The following UGT1A5 variants were observed in gnomAD, a reference collection of about 807,000 sequenced individuals.
UGT1A5 encodes the protein UDP glucuronosyltransferase family 1 member A5, also known as UDP-glucuronosyltransferase 1A5.
In UGT1A5, 29 loss-of-function variants were observed where a neutral mutation model predicts 40.3. That is an observed-to-expected ratio of 0.72 (90% CI 0.54 to 0.98). UGT1A5 has a LOEUF of 0.98. UGT1A5 is among the 50% of genes least tolerant of loss of function. The probability of loss-of-function intolerance (pLI) is 0.00; values close to 1 mark genes in which losing one functional copy is unlikely to be tolerated. For synonymous variants in UGT1A5, 257 were observed against 262.5 expected, an observed-to-expected ratio of 0.98 and a Z score of 0.20; for missense variants, 678 against 677.9, an observed-to-expected ratio of 1.00 and a Z score of 0.00.
chr2:233,752,290 C>T (rs1244302370), intron 1 of UGT1A5: 16 of 152,170 alleles, frequency 1.1e-4, no homozygotes, highest in Admixed American at 1.0e-3. Flanking sequence ...CTCACAGGGT[C>T]ATGCCTTTCC....
intron 4 of UGT1A5, chr2:233,771,308 TC>T (rs1375108743): frequency 6.6e-6 from 1 of 152,198 alleles, no homozygotes; most frequent in African/African-American, 2.4e-5. Context: ...CTCCTCCTTT[TC>T]CCTCTCCTCT....
intron 1 of UGT1A5, among the ~76,000 whole-genome samples, chr2:233,750,216 G>A (rs192238866): frequency 1.3e-5 from 2 of 151,994 alleles, no homozygotes; most frequent in Middle Eastern, 3.4e-3. Flanking sequence ...AGTCTCAGAT[G>A]GAGATGAGGA....
Position 233,768,226 on chromosome 2 carries a change from C to A in UGT1A5, c.1094C>A (p.Pro365Gln). The A allele has an allele frequency of 6.2e-7, 1 of 1,614,202 alleles. No homozygotes were observed. The highest frequency in any genetic ancestry group is 8.5e-7 in the Non-Finnish European group (1 of 1,180,042). ...TCCCTATTTTGCATCTCAGGTCACC[C>A]GATGACCCGTGCCTTTATCACCCAT... ...WLPQNDLLGH[P>Q]MTRAFITHAG... Residue 365 changes from proline to glutamine, a missense_variant, in exon 4 of 5, where the codon CCG becomes CAG. Coordinates refer to ENST00000373414, the MANE Select transcript of UGT1A5 (RefSeq NM_019078.2).
rs749851918 is a variant in UGT1A5 at position 233,713,347 on chromosome 2, A to G, written c.356A>G (p.Asn119Ser). 1.2e-6 allele frequency: 2 copies of G among 1,614,196 alleles called. No individual in the cohort carries two copies. Among genetic ancestry groups the G allele is most frequent in the East Asian group, 2.2e-5 (1 of 44,886 alleles). Residue 119 changes from asparagine (N) to serine (S), a missense_variant, in exon 1 of 5, where the codon AAT (asparagine) becomes AGT (serine). Physicochemically the swap from Asn to Ser is conservative, Grantham distance 46. Coordinates refer to ENST00000373414, the MANE Select transcript of UGT1A5 (RefSeq NM_019078.2). ...KFSRRMAIMN[N>S]MSLIIHRSCV... ...TCTAGAAGAATGGCAATTATGAACA[A>G]TATGTCTTTGATCATACATAGGTCT...
intron 1 of UGT1A5, among the ~76,000 whole-genome samples, chr2:233,762,360 A>G (rs1698052842): frequency 6.6e-6 from 1 of 152,238 alleles, no homozygotes; most frequent in Non-Finnish European, 1.5e-5. Context: ...TACTCCAGCT[A>G]TTACATACCA....
At chr2:233,744,020 A>G (rs772396813) in intron 1 of UGT1A5, 334 of 991,812 alleles carry the variant, frequency 3.4e-4, no homozygotes, top group East Asian at 3.5e-4. Context: ...CCGCCTGGAG[A>G]GACGCCCCTT....
chr2:233,748,973 C>T (rs1032988654), intron 1 of UGT1A5, among the ~76,000 whole-genome samples: 3 of 151,678 alleles, frequency 2.0e-5, no homozygotes, highest in African/African-American at 7.3e-5. Flanking sequence ...ATAGTGGGAT[C>T]TACTTCTTTA....
At chr2:233,742,511 A>C (rs1428333329) in intron 1 of UGT1A5, among the ~76,000 whole-genome samples, 6 of 151,858 alleles carry the variant, frequency 4.0e-5, no homozygotes, top group Non-Finnish European at 2.9e-5. Flanking sequence ...TATCATGAAC[A>C]CGTCACAGTG....
At chr2:233,714,010 T>C in intron 1 of UGT1A5, 152 bp downstream of exon 1, 1 of 1,531,204 alleles carries the variant, frequency 6.5e-7, no homozygotes, top group Non-Finnish European at 8.8e-7. Flanking sequence ...AGATAAACTT[T>C]TAAAGGGTCA....
chr2:233,759,816 G>T (rs540177588), intron 1 of UGT1A5, among the ~76,000 whole-genome samples: 2 of 152,284 alleles, frequency 1.3e-5, no homozygotes, highest in East Asian at 3.9e-4. Context: ...AGGCAGTACC[G>T]GGGGAGCTGT....
intron 1 of UGT1A5, 29 bp from the exon 2 acceptor site, chr2:233,767,005 T>A: frequency 1.2e-6 from 2 of 1,613,726 alleles, no homozygotes; most frequent in Non-Finnish European, 1.7e-6. Flanking sequence ...TGAGAAAAAA[T>A]TAACTGAAAA....
intron 1 of UGT1A5, among the ~76,000 whole-genome samples, chr2:233,740,368 A>C (rs1423573410): frequency 6.6e-6 from 1 of 151,928 alleles, no homozygotes; most frequent in Non-Finnish European, 1.5e-5. Flanking sequence ...AATTCCTAGA[A>C]AGGTAAGTTG....
Position 233,767,829 on chromosome 2 carries a change from G to A in UGT1A5, c.1000-20G>A. On this transcript the variant is annotated intron_variant, in intron 2 of 4. Coordinates refer to ENST00000373414, the MANE Select transcript of UGT1A5 (RefSeq NM_019078.2). ...ATATTATGTTCTTTCTTTACGTTCT[G>A]CTCTTTTTGCCCCTCCCAGGTCCTG... 6.2e-7 allele frequency: 1 copy of A among 1,614,106 alleles called. No individual in the cohort carries two copies.
intron 1 of UGT1A5, chr2:233,728,975 A>G: frequency 6.7e-7 from 1 of 1,489,458 alleles, no homozygotes; most frequent in Non-Finnish European, 9.0e-7. Context: ...TGATAGATTA[A>G]TGGTTAATAA....
At chr2:233,729,387 T>G (rs1242626622) in intron 1 of UGT1A5, 1 of 1,613,946 alleles carries the variant, frequency 6.2e-7, no homozygotes, top group Non-Finnish European at 8.5e-7. Context: ...GGACCCAGGA[T>G]GAATTTGATC....
At chr2:233,761,227 G>GAT in intron 1 of UGT1A5, 1 of 1,613,278 alleles carries the variant, frequency 6.2e-7, no homozygotes, top group Non-Finnish European at 8.5e-7. Flanking sequence ...ACTAGCCCCA[G>GAT]ATATATGCTG....
chr2:233,743,560 C>T (rs1242175284), intron 1 of UGT1A5: 1 of 1,367,302 alleles, frequency 7.3e-7, no homozygotes. Context: ...AAATATTCTC[C>T]AGCGGGTTTC....
chr2:233,724,170 C>A (rs1159618034), intron 1 of UGT1A5, among the ~76,000 whole-genome samples: 1 of 122,814 alleles, frequency 8.1e-6, no homozygotes, highest in African/African-American at 3.5e-5. Context: ...GCTGACCCCC[C>A]CATCTCCCTC....
intron 1 of UGT1A5, chr2:233,755,338 G>T (rs569505432): frequency 4.6e-6 from 2 of 431,822 alleles, no homozygotes; most frequent in South Asian, 2.1e-5. Flanking sequence ...CCCGCGCACA[G>T]GTCAGAGGCT....
Sources: gnomAD v4.1 joint callset for allele counts (sites outside exome capture counted in the v4.1 genomes callset) on GRCh38, gnomAD v4.1.1 for gene constraint, MANE v1.5 for transcripts, NCBI Gene and HGNC (gene_info 2026-07-23, HGNC 2026-07-21) for gene names.